Variants in ROBO1 observed in about 807,000 individuals in gnomAD.
ROBO1 encodes roundabout guidance receptor 1.
A neutral mutation model predicts 195.9 loss-of-function variants in ROBO1; 149 were observed. The ratio of observed to expected loss-of-function variants is 0.76; its 90% CI spans 0.67 to 0.87. The LOEUF is 0.87. Ranked by LOEUF, ROBO1 falls within the 40% of genes least tolerant of loss-of-function variation. ROBO1 has a pLI of 0.00. For missense variants in ROBO1, 1,933 were observed against 2,068.3 expected, an observed-to-expected ratio of 0.93 and a Z score of 1.27; for synonymous variants, 816 against 733.2, an observed-to-expected ratio of 1.11 and a Z score of -1.82.
chr3:79,661,514 T>C (rs1485729995), intron 1 of ROBO1, among the ~76,000 whole-genome samples: 2 of 152,182 alleles, frequency 1.3e-5, no homozygotes, highest in East Asian at 3.9e-4. Flanking sequence ...TCTTCTTTTC[T>C]TTCTTTTCCC....
chr3:78,846,438 C>T (rs552522569), intron 4 of ROBO1, among the ~76,000 whole-genome samples: 2 of 152,202 alleles, frequency 1.3e-5, no homozygotes, highest in South Asian at 2.1e-4. Flanking sequence ...CACTCTTAGA[C>T]ATTTCCCTGT....
chr3:79,008,936 T>A (rs1271391099), intron 3 of ROBO1, among the ~76,000 whole-genome samples: 204 of 146,402 alleles, frequency 1.4e-3, no homozygotes, highest in Middle Eastern at 3.5e-3. Context: ...TGTGTATGGT[T>A]TTGTTTTGTT....
At chr3:79,114,948 G>A (rs1021896236) in intron 3 of ROBO1, among the ~76,000 whole-genome samples, 1 of 152,126 alleles carries the variant, frequency 6.6e-6, no homozygotes, top group African/African-American at 2.4e-5. Flanking sequence ...GGTGCTTCTG[G>A]CAAGATCTAA....
intron 1 of ROBO1, among the ~76,000 whole-genome samples, chr3:79,757,199 T>A (rs969545306): frequency 6.6e-6 from 1 of 152,240 alleles, no homozygotes; most frequent in African/African-American, 2.4e-5. Flanking sequence ...TGCTGGATTA[T>A]TTAATAATTA....
chr3:79,532,267 T>C (rs2107614787), intron 2 of ROBO1, among the ~76,000 whole-genome samples: 1 of 152,262 alleles, frequency 6.6e-6, no homozygotes, highest in East Asian at 1.9e-4. Flanking sequence ...TGACACTGCT[T>C]ATAGTTTGTC....
intron 2 of ROBO1, among the ~76,000 whole-genome samples, chr3:79,569,110 A>G (rs1232391807): frequency 6.7e-6 from 1 of 148,870 alleles, no homozygotes; most frequent in East Asian, 1.9e-4. Flanking sequence ...CCAGACACGC[A>G]TGCGCGTGCA....
chr3:79,351,503 A>G (rs1385855203), intron 2 of ROBO1, among the ~76,000 whole-genome samples: 1 of 152,166 alleles, frequency 6.6e-6, no homozygotes, highest in African/African-American at 2.4e-5. Flanking sequence ...ATTTTTAAAT[A>G]ACAGTGAACC....
intron 3 of ROBO1, among the ~76,000 whole-genome samples, chr3:79,006,487 T>C (rs2077623482): frequency 6.6e-6 from 1 of 152,150 alleles, no homozygotes; most frequent in African/African-American, 2.4e-5. Flanking sequence ...ATGATGACTA[T>C]ATATCATATT....
At chr3:79,026,049 A>G (rs1236695793) in intron 3 of ROBO1, among the ~76,000 whole-genome samples, 1 of 152,160 alleles carries the variant, frequency 6.6e-6, no homozygotes, top group African/African-American at 2.4e-5. Context: ...ATTGTATTAC[A>G]TGTTATGTTT....
chr3:79,260,575 CT>C (rs1247268109), intron 2 of ROBO1, among the ~76,000 whole-genome samples: 1 of 152,056 alleles, frequency 6.6e-6, no homozygotes, highest in African/African-American at 2.4e-5. Context: ...TAGCTTAGAC[CT>C]TACTTAAAGT....
chr3:79,590,161 A>C (rs1943953886), intron 1 of ROBO1, among the ~76,000 whole-genome samples, 200 bp from the exon 2 acceptor site: 1 of 151,786 alleles, frequency 6.6e-6, no homozygotes, highest in African/African-American at 2.4e-5. Context: ...GTATTTATTA[A>C]TTTTGAAAAC....
chr3:79,737,115 T>C (rs74903898), intron 1 of ROBO1, among the ~76,000 whole-genome samples: 1 of 152,170 alleles, frequency 6.6e-6, no homozygotes, highest in African/African-American at 2.4e-5. Flanking sequence ...ATTATCTTCA[T>C]AGAGCTCACT....
At position 79,589,848 on chromosome 3, in the gene ROBO1, G is replaced by A; in HGVS notation, c.64C>T (p.Leu22=). Residue 22 remains leucine (L), a synonymous_variant, in exon 2 of 31, where the codon CTG becomes TTG. Transcript: ENST00000464233. ...CCTGGAATAAGCTGGGCCAGAAACA[G>A]GTGATTTGGGGATAAGCTGAGGAGT... is the stretch of plus-strand genomic sequence containing the variant. ...ISLLSLSPNH[L]FLAQLIPDPE... The A allele has an allele frequency of 6.2e-7, 1 of 1,610,928 alleles. No homozygotes were observed. Among genetic ancestry groups the A allele is most frequent in the Non-Finnish European group, 8.5e-7 (1 of 1,177,792 alleles).
rs574274438 is a variant in ROBO1 at position 79,238,556 on chromosome 3, C to T, written c.89-113017G>A. Among the ~76,000 whole-genome samples the T allele has an allele frequency of 4.6e-5, 7 of 152,262 alleles. No individual in the cohort carries two copies. In the East Asian group the frequency reaches 7.7e-4, roughly 17 times the overall value. Reference sequence around the variant, plus strand: ...CACTTCATATATTTAAGTTCCACTTCCCTCATTTATAAAGTGGAGATAGTA... The same window carrying T: ...CACTTCATATATTTAAGTTCCACTTTCCTCATTTATAAAGTGGAGATAGTA... On this transcript the variant is annotated intron_variant, in intron 2 of 30. Coordinates refer to ENST00000464233, the MANE Select transcript of ROBO1 (RefSeq NM_002941.4).
At chr3:79,756,957 T>C (rs992743232) in intron 1 of ROBO1, among the ~76,000 whole-genome samples, 1 of 152,212 alleles carries the variant, frequency 6.6e-6, no homozygotes, top group Non-Finnish European at 1.5e-5. Flanking sequence ...GTTTTCAAAG[T>C]TCACCCACAT....
intron 3 of ROBO1, among the ~76,000 whole-genome samples, chr3:78,952,016 T>A (rs993404052): frequency 7.9e-5 from 12 of 151,732 alleles, no homozygotes; most frequent in African/African-American, 2.7e-4. Context: ...GATTTTTTTC[T>A]ATCATGACAT....
chr3:79,522,529 T>G (rs187527278), intron 2 of ROBO1, among the ~76,000 whole-genome samples: 2 of 152,272 alleles, frequency 1.3e-5, no homozygotes, highest in Non-Finnish European at 2.9e-5. Flanking sequence ...TGATCACTGA[T>G]TTCCACTTGC....
intron 3 of ROBO1, among the ~76,000 whole-genome samples, chr3:78,973,249 T>C (rs2076808411): frequency 6.6e-6 from 1 of 151,924 alleles, no homozygotes; most frequent in Non-Finnish European, 1.5e-5. Flanking sequence ...AGAAATTTTA[T>C]GTTATCACTC....
intron 2 of ROBO1, among the ~76,000 whole-genome samples, chr3:79,241,680 ATATT>A (rs1366477454): frequency 6.6e-6 from 1 of 150,600 alleles, no homozygotes; most frequent in Non-Finnish European, 1.5e-5. Context: ...ATAGATAACA[ATATT>A]TATGTAATAA....
Sources: allele counts gnomAD v4.1 joint callset (sites outside exome capture counted in the v4.1 genomes callset), GRCh38; gene constraint gnomAD v4.1.1; transcripts MANE v1.5; gene names NCBI Gene and HGNC (gene_info 2026-07-23, HGNC 2026-07-21).